Variants in GANC observed in about 807,000 individuals in gnomAD.
GANC encodes glucosidase alpha, neutral C.
In GANC, 117 loss-of-function variants were observed where a neutral mutation model predicts 124.2. That is an observed-to-expected ratio of 0.94 (90% confidence interval 0.81 to 1.10). GANC has a LOEUF of 1.10. GANC is among the 50% of genes least tolerant of loss of function. The pLI, the probability that GANC is intolerant of heterozygous loss-of-function variation, is 0.00. For missense variants in GANC, 1,140 were observed against 1,095.0 expected, an observed-to-expected ratio of 1.04 and a Z score of -0.58; for synonymous variants, 377 against 376.8, an observed-to-expected ratio of 1.00 and a Z score of -0.01.
At chr15:42,281,165 C>T (rs2051729826) in intron 3 of GANC, 1 of 697,346 alleles carries the variant, frequency 1.4e-6, no homozygotes. Context: ...CATAGGGAAT[C>T]TGCATGCCCT....
chr15:42,279,074 A>G (rs547185946), intron 3 of GANC, among the ~76,000 whole-genome samples: 5 of 152,382 alleles, frequency 3.3e-5, no homozygotes, highest in South Asian at 2.1e-4. Flanking sequence ...GTATATGAAT[A>G]TAAGTATATA....
intron 8 of GANC, among the ~76,000 whole-genome samples, chr15:42,309,467 G>A (rs2052030497): frequency 6.6e-6 from 1 of 151,880 alleles, no homozygotes; most frequent in Non-Finnish European, 1.5e-5. Context: ...CTACAGGTAT[G>A]CGCCACTACG....
chr15:42,322,125 G>T (rs1339237562), intron 11 of GANC, 105 bp downstream of exon 11: 2 of 896,382 alleles, frequency 2.2e-6, no homozygotes, highest in Non-Finnish European at 3.4e-6. Context: ...ATAAAAAATG[G>T]CTGTGAAAAT....
intron 3 of GANC, among the ~76,000 whole-genome samples, chr15:42,285,767 C>T (rs2051781158): frequency 6.6e-6 from 1 of 152,086 alleles, no homozygotes; most frequent in Non-Finnish European, 1.5e-5. Context: ...TGCACTCCAG[C>T]CTGGGTGACC....
intron 10 of GANC, among the ~76,000 whole-genome samples, chr15:42,315,749 A>C (rs1236558184): frequency 2.0e-5 from 3 of 152,180 alleles, no homozygotes; most frequent in Non-Finnish European, 2.9e-5. Flanking sequence ...TGAGGAAAGC[A>C]GATTACTCTC....
At chr15:42,328,900 G>A (rs1033419274) in intron 13 of GANC, among the ~76,000 whole-genome samples, 3 of 152,184 alleles carry the variant, frequency 2.0e-5, no homozygotes, top group Admixed American at 1.3e-4. Flanking sequence ...ATCTTGTCAT[G>A]TTCAGCTATA....
At position 42,273,551 on chromosome 15, in the gene GANC, A is replaced by T. The variant is rs1225881111; in HGVS notation, c.-931A>T. Reference sequence around the variant, plus strand: ...CGGCGTAGCGGCCCCTCTCTCAGACAGTCGTCTGTGCGCCGTGAGACTTTG... The same window carrying T: ...CGGCGTAGCGGCCCCTCTCTCAGACTGTCGTCTGTGCGCCGTGAGACTTTG... On this transcript the variant is annotated 5_prime_UTR_variant, in exon 1 of 24. Coordinates refer to ENST00000318010, the MANE Select transcript of GANC (RefSeq NM_198141.3). The T allele has an allele frequency of 3.0e-6, 4 of 1,329,366 alleles. No individual in the cohort carries two copies. The highest frequency in any genetic ancestry group is 3.0e-6 in the Non-Finnish European group (3 of 990,148). 82.3% of individuals were successfully genotyped at this position (1,329,366 alleles called of 1,614,324 possible).
Position 42,327,345 on chromosome 15 carries a change from A to T in GANC, c.1421-18A>T. On this transcript the variant is annotated intron_variant, in intron 12 of 23. Coordinates refer to ENST00000318010, the MANE Select transcript of GANC (RefSeq NM_198141.3). ...GACCACTGTTCTTGACAGGCTATCT[A>T]CTGTTCTGCCTCCACAGGTCTCTCC... 1.3e-6 allele frequency: 2 copies of T among 1,594,014 alleles called. No individual in the cohort carries two copies. Among genetic ancestry groups the T allele is most frequent in the African/African-American group, 2.7e-5 (2 of 74,480 alleles).
intron 6 of GANC, among the ~76,000 whole-genome samples, chr15:42,306,030 A>T (rs1284627532): frequency 6.3e-5 from 9 of 142,936 alleles, no homozygotes; most frequent in South Asian, 2.3e-4. Flanking sequence ...CACCATGTCT[A>T]TTTTTTTTTT....
chr15:42,325,229 T>G (rs865977287), intron 11 of GANC, among the ~76,000 whole-genome samples: 62 of 151,756 alleles, frequency 4.1e-4, no homozygotes, highest in Non-Finnish European at 6.2e-4. Context: ...GCCGAGATCG[T>G]GCCACTGCAC....
Position 42,339,821 on chromosome 15 carries a change from A to C in GANC, c.1996A>C (p.Ile666Leu). 1 of 1,614,144 alleles carries C rather than the reference A, an allele frequency of 6.2e-7. No homozygotes were observed. The highest frequency in any genetic ancestry group is 8.5e-7 in the Non-Finnish European group (1 of 1,180,014). The change falls in exon 17 of 24, where the codon ATC (isoleucine) becomes CTC (leucine). Residue 666 changes from isoleucine (I) to leucine (L), a missense_variant. By Grantham distance (5) the Ile-to-Leu change is conservative (BLOSUM62 2). Transcript: ENST00000318010. ...WLFGEEHTRL[I>L]REAIRERYGL... ...CTTTGGGGAGGAACACACCCGACTC[A>C]TCCGAGAAGCCATCAGAGAGCGCTA...
chr15:42,300,049 C>A (rs1023801792), intron 6 of GANC, among the ~76,000 whole-genome samples: 1 of 152,130 alleles, frequency 6.6e-6, no homozygotes, highest in Non-Finnish European at 1.5e-5. Context: ...AGGACATAGG[C>A]GTGGGCAAAG....
rs143247407 is a variant in GANC, at chr15:42,310,695, C to T, written c.906C>T (p.Tyr302=). 7.5e-6 allele frequency: 12 copies of T among 1,607,922 alleles called. No homozygotes were observed. Among genetic ancestry groups the T allele is most frequent in the African/African-American group, 6.7e-5 (5 of 74,850 alleles). ...VEINTEPAVE[Y]TLTQMGPVAA... is the part of the protein sequence containing the mutation. ...TTTTTATTCCATTCTTTTTCCAGTA[C>T]ACACTGACCCAGATGGGCCCAGTTG... Residue 302 remains tyrosine, a splice_region_variant and synonymous_variant, in exon 10 of 24, where the codon TAC becomes TAT. Transcript: ENST00000318010.
At chr15:42,281,129 C>T in intron 3 of GANC, 2 of 702,414 alleles carry the variant, frequency 2.8e-6, no homozygotes, top group Non-Finnish European at 5.2e-6. Flanking sequence ...AAACTCCATG[C>T]TCAGGTATTA....
At chr15:42,314,064 C>T (rs780437403) in intron 10 of GANC, 7 of 709,746 alleles carry the variant, frequency 9.9e-6, no homozygotes, top group Non-Finnish European at 1.8e-5. Context: ...TCTGTGACAG[C>T]CTACCTCTTT....
intron 10 of GANC, chr15:42,313,541 G>A (rs533274752): frequency 6.5e-6 from 1 of 152,708 alleles, no homozygotes; most frequent in Non-Finnish European, 1.5e-5. Context: ...GCAACAAAAA[G>A]ACAGGCTGAG....
At position 42,339,822 on chromosome 15, in the gene GANC, T is replaced by C. The variant is rs769239756; in HGVS notation, c.1997T>C (p.Ile666Thr). 1.1e-5 allele frequency: 17 copies of C among 1,614,156 alleles called. No individual in the cohort carries two copies. The highest frequency in any genetic ancestry group is 1.3e-5 in the Non-Finnish European group (15 of 1,180,010). Residue 666 changes from isoleucine to threonine, a missense_variant, in exon 17 of 24, where the codon ATC becomes ACC. By Grantham distance (89) the Ile-to-Thr change is moderately conservative. Coordinates refer to ENST00000318010, the MANE Select transcript of GANC (RefSeq NM_198141.3). Reference protein sequence around the residue: ...WLFGEEHTRLIREAIRERYGL... With the variant: ...WLFGEEHTRLTREAIRERYGL... ...TTTGGGGAGGAACACACCCGACTCA[T>C]CCGAGAAGCCATCAGAGAGCGCTAT...
intron 12 of GANC, 148 bp downstream of exon 12, chr15:42,326,572 C>T (rs1595779243): frequency 7.7e-7 from 1 of 1,307,182 alleles, no homozygotes; most frequent in Non-Finnish European, 1.0e-6. Context: ...GATAGGTTTG[C>T]CTTCTTTTGT....
At chr15:42,348,965 A>T (rs977332554) in intron 21 of GANC, among the ~76,000 whole-genome samples, 13 of 152,138 alleles carry the variant, frequency 8.5e-5, no homozygotes, top group African/African-American at 2.7e-4. Context: ...AAATAAATTT[A>T]AAAAAAGGAA....
Sources: gnomAD v4.1 joint callset for allele counts (sites outside exome capture counted in the v4.1 genomes callset) on GRCh38, gnomAD v4.1.1 for gene constraint, MANE v1.5 for transcripts, NCBI Gene and HGNC (gene_info 2026-07-23, HGNC 2026-07-21) for gene names.